The following PRELID2 variants were observed in gnomAD, a reference collection of about 807,000 sequenced individuals.
The protein encoded by PRELID2 is PRELI domain-containing protein 2.
In PRELID2, 25 loss-of-function variants were observed where a neutral mutation model predicts 28.4. The ratio of observed to expected loss-of-function variants is 0.88; its 90% CI spans 0.64 to 1.23. The LOEUF is 1.23. PRELID2 is among the 50% of genes most tolerant of loss of function. The probability of loss-of-function intolerance (pLI) is 0.00; values close to 1 mark genes in which losing one functional copy is unlikely to be tolerated. For missense variants in PRELID2, 201 were observed against 214.4 expected (o/e 0.94, Z 0.39); for synonymous variants, 76 against 71.6 (o/e 1.06, Z -0.31).
chr5:145,530,135 C>T (rs1305883064), intron 1 of PRELID2, among the ~76,000 whole-genome samples: 1 of 152,086 alleles, frequency 6.6e-6, no homozygotes, highest in Non-Finnish European at 1.5e-5. Flanking sequence ...GATCATACAG[C>T]AAGTGAGTAA....
intron 1 of PRELID2, among the ~76,000 whole-genome samples, chr5:145,504,516 C>G (rs556358588): frequency 6.6e-6 from 1 of 152,208 alleles, no homozygotes; most frequent in Admixed American, 6.5e-5. Context: ...CTTGAAATTT[C>G]TTTCAGTGGA....
intron 1 of PRELID2, among the ~76,000 whole-genome samples, chr5:145,673,114 C>G (rs1754743308): frequency 6.6e-6 from 1 of 152,108 alleles, no homozygotes; most frequent in African/African-American, 2.4e-5. Context: ...GTCAGAGATT[C>G]TGAAGTCCAC....
intron 1 of PRELID2, among the ~76,000 whole-genome samples, chr5:145,706,003 GA>G (rs1377702054): frequency 1.3e-5 from 2 of 150,778 alleles, no homozygotes; most frequent in Non-Finnish European, 3.0e-5. Context: ...ATGTTAGAAA[GA>G]AAAAAAGTTT....
At chr5:145,578,262 C>T (rs576942435) in intron 1 of PRELID2, among the ~76,000 whole-genome samples, 1 of 152,252 alleles carries the variant, frequency 6.6e-6, no homozygotes, top group Admixed American at 6.5e-5. Context: ...GCAAAAGCAA[C>T]CACCCATTCT....
At chr5:145,668,605 C>G (rs1053286490) in intron 1 of PRELID2, among the ~76,000 whole-genome samples, 1 of 152,030 alleles carries the variant, frequency 6.6e-6, no homozygotes, top group Non-Finnish European at 1.5e-5. Flanking sequence ...TTGAACAACT[C>G]TTTGTTGGGC....
the PRELID2 span, among the ~76,000 whole-genome samples, chr5:145,446,398 G>T: frequency 6.6e-6 from 1 of 152,036 alleles, no homozygotes; most frequent in African/African-American, 2.4e-5. Flanking sequence ...AGTCAAGAAA[G>T]GACTCTAGGA....
At chr5:145,586,499 T>C (rs1279543077) in intron 1 of PRELID2, among the ~76,000 whole-genome samples, 2 of 152,048 alleles carry the variant, frequency 1.3e-5, no homozygotes, top group African/African-American at 4.8e-5. Context: ...ATTAATAACA[T>C]TGCTTAAGTG....
intron 1 of PRELID2, among the ~76,000 whole-genome samples, chr5:145,712,305 A>T (rs1238536186): frequency 2.0e-5 from 3 of 152,236 alleles, no homozygotes; most frequent in African/African-American, 7.2e-5. Flanking sequence ...ATAATTTTAT[A>T]TATATTCTTG....
At chr5:145,730,866 T>A (rs1371566971) in intron 1 of PRELID2, among the ~76,000 whole-genome samples, 1 of 151,432 alleles carries the variant, frequency 6.6e-6, no homozygotes, top group Non-Finnish European at 1.5e-5. Flanking sequence ...CGAGATGACA[T>A]CCCTCTGGCC....
chr5:145,767,767 A>C (rs1392562216), intron 5 of PRELID2, among the ~76,000 whole-genome samples: 1 of 152,222 alleles, frequency 6.6e-6, no homozygotes, highest in African/African-American at 2.4e-5. Context: ...ATCCCATTTC[A>C]ATGTGATTCT....
chr5:145,333,728 A>G, the PRELID2 span, among the ~76,000 whole-genome samples: 1 of 151,056 alleles, frequency 6.6e-6, no homozygotes, highest in Non-Finnish European at 1.5e-5. Flanking sequence ...GGATCCACTG[A>G]GCTAGACCAC....
intron 1 of PRELID2, among the ~76,000 whole-genome samples, chr5:145,655,447 T>C (rs1462427162): frequency 2.0e-5 from 3 of 152,182 alleles, no homozygotes; most frequent in Admixed American, 6.5e-5. Context: ...GCCAAAACAA[T>C]TCTAAGCCAA....
chr5:145,702,185 A>T (rs1161954627), intron 1 of PRELID2, among the ~76,000 whole-genome samples: 3 of 152,196 alleles, frequency 2.0e-5, no homozygotes, highest in African/African-American at 7.2e-5. Context: ...AAACACTTAT[A>T]AAAAGGATAT....
intron 1 of PRELID2, among the ~76,000 whole-genome samples, chr5:145,569,273 T>G (rs1320533443): frequency 6.6e-6 from 1 of 152,238 alleles, no homozygotes; most frequent in East Asian, 1.9e-4. Context: ...AACTTATTAC[T>G]TGATTGGCAG....
chr5:145,332,157 C>A, the PRELID2 span, among the ~76,000 whole-genome samples: 1 of 152,200 alleles, frequency 6.6e-6, no homozygotes, highest in East Asian at 1.9e-4. Flanking sequence ...ATTGGCTTCC[C>A]TTTGTGGGTG....
the PRELID2 span, among the ~76,000 whole-genome samples, chr5:145,355,355 G>A: frequency 2.0e-5 from 3 of 151,980 alleles, no homozygotes; most frequent in Non-Finnish European, 4.4e-5. Flanking sequence ...GTTAAATAAT[G>A]TATTCAAAAG....
intron 1 of PRELID2, among the ~76,000 whole-genome samples, chr5:145,740,952 C>G (rs1463256491): frequency 2.4e-4 from 8 of 33,132 alleles, no homozygotes; most frequent in East Asian, 1.4e-3. Context: ...ATATATTTAT[C>G]TATAAATAAA....
chr5:145,475,216 A>G (rs1752089704), intron 1 of PRELID2, among the ~76,000 whole-genome samples: 1 of 152,222 alleles, frequency 6.6e-6, no homozygotes, highest in South Asian at 2.1e-4. Context: ...TAATAAAAGT[A>G]AGTTAGCTAG....
intron 1 of PRELID2, among the ~76,000 whole-genome samples, chr5:145,609,870 A>T (rs1188395750): frequency 6.6e-6 from 1 of 152,206 alleles, no homozygotes; most frequent in African/African-American, 2.4e-5. Flanking sequence ...TGATGAGTTC[A>T]GACAAAGTGA....
Sources: gnomAD v4.1 joint callset for allele counts (sites outside exome capture counted in the v4.1 genomes callset) on GRCh38, gnomAD v4.1.1 for gene constraint, MANE v1.5 for transcripts, NCBI Gene and HGNC (gene_info 2026-07-23, HGNC 2026-07-21) for gene names.